The following IMMP2L variants were observed in gnomAD, a reference collection of about 807,000 sequenced individuals.
IMMP2L encodes mitochondrial inner membrane protease subunit 2.
A neutral mutation model predicts 19.3 loss-of-function variants in IMMP2L; 18 were observed. The observed-to-expected ratio is 0.93, with a 90% CI of 0.64 to 1.38. The LOEUF is 1.38. IMMP2L is among the 40% of genes most tolerant of loss of function. The pLI is 0.00. For missense variants in IMMP2L, 233 were observed against 218.2 expected (o/e 1.07, Z -0.43); for synonymous variants, 76 against 73.0 (o/e 1.04, Z -0.21).
intron 4 of IMMP2L, among the ~76,000 whole-genome samples, chr7:110,954,500 A>G (rs1818168823): frequency 6.6e-6 from 1 of 152,252 alleles, no homozygotes; most frequent in Admixed American, 6.6e-5. Context: ...AACTATCACT[A>G]TCTGATACTT....
At chr7:110,873,056 T>C (rs928566061) in intron 5 of IMMP2L, among the ~76,000 whole-genome samples, 1 of 152,204 alleles carries the variant, frequency 6.6e-6, no homozygotes, top group East Asian at 1.9e-4. Flanking sequence ...AAATAATTTC[T>C]CTCTCTGCTA....
intron 4 of IMMP2L, among the ~76,000 whole-genome samples, chr7:110,941,271 A>G (rs983006467): frequency 6.6e-6 from 1 of 152,184 alleles, no homozygotes; most frequent in Non-Finnish European, 1.5e-5. Context: ...CTGAAGCACC[A>G]CAAAGTAACA....
At chr7:110,719,088 A>T (rs1795412267) in intron 5 of IMMP2L, among the ~76,000 whole-genome samples, 1 of 152,244 alleles carries the variant, frequency 6.6e-6, no homozygotes, top group Non-Finnish European at 1.5e-5. Context: ...GAAATAAGGA[A>T]AATCGGGTGA....
At position 110,793,544 on chromosome 7, in the gene IMMP2L, A is replaced by C. The variant is rs1437786781; in HGVS notation, c.408+93049T>G. ...ATAATAAAAATTTTAAATTAATTTG[A>C]ACTAAAAGAAATCAACAAAAATGCA... is the stretch of plus-strand genomic sequence containing the variant. On this transcript the variant is annotated intron_variant, in intron 5 of 5. Coordinates refer to ENST00000405709, the MANE Select transcript of IMMP2L (RefSeq NM_032549.4). Among the ~76,000 whole-genome samples, 2 of 152,154 alleles carry C rather than the reference A, an allele frequency of 1.3e-5. 1 individual carries two copies. Among genetic ancestry groups the C allele is most frequent in the African/African-American group, 4.8e-5 (2 of 41,464 alleles).
chr7:111,135,117 C>T (rs1357044294), intron 3 of IMMP2L, among the ~76,000 whole-genome samples: 1 of 152,050 alleles, frequency 6.6e-6, no homozygotes, highest in African/African-American at 2.4e-5. Context: ...AAACTGTCAT[C>T]TCATTCTGGA....
intron 3 of IMMP2L, among the ~76,000 whole-genome samples, chr7:111,268,037 AAAAC>A (rs1274492789): frequency 6.6e-5 from 10 of 152,318 alleles, no homozygotes; most frequent in Non-Finnish European, 1.3e-4. Flanking sequence ...CCAGCTTCAC[AAAAC>A]AAACAGAGGA....
intron 3 of IMMP2L, among the ~76,000 whole-genome samples, chr7:111,417,344 T>C (rs1835049461): frequency 6.6e-6 from 1 of 151,878 alleles, no homozygotes. Context: ...GTGAGCAACC[T>C]GGGGATCATG....
intron 5 of IMMP2L, among the ~76,000 whole-genome samples, chr7:110,821,736 C>T (rs936995174): frequency 7.2e-5 from 11 of 151,818 alleles, no homozygotes; most frequent in African/African-American, 2.4e-4. Flanking sequence ...TATGGTGAAA[C>T]ACTGTCTCTA....
At chr7:111,143,324 C>A (rs1277244846) in intron 3 of IMMP2L, among the ~76,000 whole-genome samples, 2 of 152,158 alleles carry the variant, frequency 1.3e-5, no homozygotes, top group African/African-American at 4.8e-5. Context: ...CAACCCCCAA[C>A]CTCTGCGCCA....
intron 5 of IMMP2L, among the ~76,000 whole-genome samples, chr7:110,750,724 C>T (rs1797666161): frequency 6.6e-6 from 1 of 151,956 alleles, no homozygotes; most frequent in African/African-American, 2.4e-5. Context: ...TAATGCTTCC[C>T]AAATACTGTA....
intron 3 of IMMP2L, among the ~76,000 whole-genome samples, chr7:111,416,629 T>C (rs951675479): frequency 4.6e-5 from 7 of 151,832 alleles, no homozygotes; most frequent in African/African-American, 1.7e-4. Context: ...GCCCATCATA[T>C]AAGGTTTTTT....
intron 3 of IMMP2L, chr7:111,392,020 C>G: frequency 1.4e-6 from 1 of 702,168 alleles, no homozygotes. Context: ...CCTCTCCTAC[C>G]TTTGTATATG....
chr7:110,887,959 G>T (rs115881298), intron 4 of IMMP2L, among the ~76,000 whole-genome samples: 1 of 151,836 alleles, frequency 6.6e-6, no homozygotes, highest in Non-Finnish European at 1.5e-5. Flanking sequence ...GCAGAATAAT[G>T]TATTTTAAAA....
intron 4 of IMMP2L, among the ~76,000 whole-genome samples, chr7:110,904,387 T>C: frequency 6.6e-6 from 1 of 152,184 alleles, no homozygotes; most frequent in African/African-American, 2.4e-5. Flanking sequence ...TGTTTTGGGT[T>C]TTACATTGAA....
At position 111,123,399 on chromosome 7, in the gene IMMP2L, G is replaced by C; in HGVS notation, c.240-159834C>G. The C allele has an allele frequency of 1.9e-6, 3 of 1,613,644 alleles. No individual in the cohort carries two copies. The highest frequency in any genetic ancestry group is 2.5e-6 in the Non-Finnish European group (3 of 1,179,870). On this transcript the variant is annotated intron_variant, in intron 3 of 5. Coordinates refer to ENST00000405709, the MANE Select transcript of IMMP2L (RefSeq NM_032549.4). This position sits in a 1 kb window ranked among gnomAD's most constrained non-coding sequence, Gnocchi z 6.4. ...TCAGAATCAAAGACATGAACTTTAAGCCTCTTATCAATCTTCGCAGCCTGG... is the reference window on the plus strand; with the variant it reads ...TCAGAATCAAAGACATGAACTTTAACCCTCTTATCAATCTTCGCAGCCTGG...
At chr7:111,085,238 T>C (rs186550140) in intron 3 of IMMP2L, among the ~76,000 whole-genome samples, 5 of 152,320 alleles carry the variant, frequency 3.3e-5, no homozygotes, top group Non-Finnish European at 7.3e-5. Context: ...GTATCTTTCA[T>C]TAAAAGTAAG....
At chr7:111,240,056 T>G (rs1045226688) in intron 3 of IMMP2L, among the ~76,000 whole-genome samples, 1 of 151,944 alleles carries the variant, frequency 6.6e-6, no homozygotes, top group Non-Finnish European at 1.5e-5. Context: ...ACATTGACAA[T>G]AGATTTCCTC....
chr7:111,072,868 A>C (rs1795076421), intron 3 of IMMP2L, among the ~76,000 whole-genome samples: 1 of 149,938 alleles, frequency 6.7e-6, no homozygotes, highest in Non-Finnish European at 1.5e-5. Flanking sequence ...GCACCACTGC[A>C]TTCCAGCCTG....
At chr7:110,860,513 T>A (rs1216943840) in intron 5 of IMMP2L, among the ~76,000 whole-genome samples, 2 of 152,016 alleles carry the variant, frequency 1.3e-5, no homozygotes, top group Non-Finnish European at 2.9e-5. Context: ...GAAGAAAAAA[T>A]GTCTTATTCT....
Sources: gnomAD v4.1 joint callset for allele counts (sites outside exome capture counted in the v4.1 genomes callset) on GRCh38, gnomAD v4.1.1 for gene constraint, Gnocchi (gnomAD v3.1) non-coding constraint, MANE v1.5 for transcripts, NCBI Gene and HGNC (gene_info 2026-07-23, HGNC 2026-07-21) for gene names.